ITGBL1: variants seen among roughly 807,000 people sequenced by gnomAD.
The protein encoded by ITGBL1 is integrin subunit beta like 1.
A neutral mutation model predicts 68.5 loss-of-function variants in ITGBL1; 51 were observed. That is an observed-to-expected ratio of 0.74 (90% CI 0.59 to 0.94). ITGBL1 has a LOEUF of 0.94. Among genes scored for constraint, ITGBL1 ranks in the 40% least tolerant of loss-of-function variants. The probability of loss-of-function intolerance (pLI) is 0.00; values close to 1 mark genes in which losing one functional copy is unlikely to be tolerated. For synonymous variants in ITGBL1, 209 were observed against 227.3 expected (o/e 0.92, Z 0.72); for missense variants, 649 against 647.4 (o/e 1.00, Z -0.03).
chr13:101,473,982 A>T (rs1482996954), intron 2 of ITGBL1, among the ~76,000 whole-genome samples: 1 of 152,214 alleles, frequency 6.6e-6, no homozygotes, highest in African/African-American at 2.4e-5. Context: ...ACCCAGGGCC[A>T]TGCTAGATTC....
chr13:101,705,478 T>C (rs1041047527), intron 8 of ITGBL1, among the ~76,000 whole-genome samples: 2 of 152,018 alleles, frequency 1.3e-5, no homozygotes, highest in African/African-American at 4.8e-5. Flanking sequence ...TTCACTGTAT[T>C]TCTCATGCCA....
rs540988175 is a variant in ITGBL1 at position 101,464,252 on chromosome 13, C to G, written c.316+10152C>G. ...TGTACTTCAGCCTCTCTTCTTTATC[C>G]TGTTTGATCCCCTCCTTCTCATCAC... is the stretch of plus-strand genomic sequence containing the variant. On this transcript the variant is annotated intron_variant, in intron 2 of 10. Transcript: ENST00000376180. Among the ~76,000 whole-genome samples the G allele has an allele frequency of 9.2e-5, 14 of 152,260 alleles. No individual in the cohort carries two copies. In the South Asian group the frequency reaches 2.9e-3, roughly 32 times the overall value.
chr13:101,580,737 T>C (rs1454575526), intron 5 of ITGBL1, among the ~76,000 whole-genome samples: 1 of 152,178 alleles, frequency 6.6e-6, no homozygotes, highest in African/African-American at 2.4e-5. Flanking sequence ...GGAAAATGAC[T>C]ATTTGGCTGT....
At chr13:101,653,403 G>A (rs2032815540) in intron 7 of ITGBL1, among the ~76,000 whole-genome samples, 1 of 152,270 alleles carries the variant, frequency 6.6e-6, no homozygotes, top group African/African-American at 2.4e-5. Flanking sequence ...AGGAAGAAAA[G>A]TGGAATTCTG....
At chr13:101,608,037 G>T (rs749435922) in intron 7 of ITGBL1, among the ~76,000 whole-genome samples, 3 of 151,994 alleles carry the variant, frequency 2.0e-5, no homozygotes, top group Non-Finnish European at 4.4e-5. Flanking sequence ...ATATGTTTTA[G>T]TTCCTTAAAC....
rs774805942 is a variant in ITGBL1 at position 101,714,422 on chromosome 13, G to C, written c.1280-16G>C. On this transcript the variant is annotated splice_polypyrimidine_tract_variant and intron_variant, in intron 9 of 10. Transcript: ENST00000376180. ...AGTTATAAGGTGATGGTGAGTAATAGCCTTTGTAATTTCAGGTTCTTGTCA... is the reference window on the plus strand; with the variant it reads ...AGTTATAAGGTGATGGTGAGTAATACCCTTTGTAATTTCAGGTTCTTGTCA... 9.2e-6 allele frequency: 13 copies of C among 1,420,750 alleles called. 1 individual carries two copies. In the South Asian group the frequency reaches 1.5e-4, roughly 16 times the overall value. The allele number at this position is 1,420,750 out of a possible 1,614,324, so 88.0% of individuals were successfully genotyped here.
intron 2 of ITGBL1, among the ~76,000 whole-genome samples, chr13:101,544,701 C>G (rs1177461959): frequency 2.0e-5 from 3 of 152,160 alleles, no homozygotes; most frequent in Non-Finnish European, 4.4e-5. Flanking sequence ...GTGGGCTCCA[C>G]CCAGTTCAAG....
At chr13:101,556,930 AGGAAACTAATATGAT>A (rs1003959669) in intron 2 of ITGBL1, among the ~76,000 whole-genome samples, 4 of 152,200 alleles carry the variant, frequency 2.6e-5, no homozygotes, top group African/African-American at 9.6e-5. Context: ...GGCAGTTCTT[AGGAAACTAATATGAT>A]GGATTAAATA....
intron 7 of ITGBL1, among the ~76,000 whole-genome samples, chr13:101,679,546 A>G (rs1044533938): frequency 6.6e-6 from 1 of 152,226 alleles, no homozygotes; most frequent in Non-Finnish European, 1.5e-5. Context: ...GGTGGACTAC[A>G]CTGGTTAAGA....
At chr13:101,664,686 T>C (rs746588390) in intron 7 of ITGBL1, among the ~76,000 whole-genome samples, 1 of 152,134 alleles carries the variant, frequency 6.6e-6, no homozygotes, top group Non-Finnish European at 1.5e-5. Context: ...TTCTATTCTG[T>C]TTCATTTGCC....
rs145085442 is a variant in ITGBL1, at chr13:101,568,354, TA to T, written c.463+510del. 6.2e-3 allele frequency among the ~76,000 whole-genome samples: 941 copies of T among 152,292 alleles called. 12 individuals are homozygous for T. Among genetic ancestry groups the T allele is most frequent in the African/African-American group, 0.021 (880 of 41,568 alleles). ...TTATTTCATAGAAGTTATTTGAAAA[TA>T]TTTTTTACAAAATTGTAGCAATGCT... is the stretch of plus-strand genomic sequence containing the variant. On this transcript the variant is annotated intron_variant, in intron 3 of 10. Coordinates refer to ENST00000376180, the MANE Select transcript of ITGBL1 (RefSeq NM_004791.3).
At chr13:101,491,635 T>C (rs906452093) in intron 2 of ITGBL1, among the ~76,000 whole-genome samples, 10 of 152,220 alleles carry the variant, frequency 6.6e-5, no homozygotes, top group Admixed American at 5.2e-4. Flanking sequence ...TTATTTTTTT[T>C]TAAATTATAC....
In ITGBL1 at chr13:101,508,053, C is replaced by T. The variant is rs187729446; in HGVS notation, c.316+53953C>T. The stretch of plus-strand genomic sequence containing the variant: ...AAGTCAACTCTGATGAGACGAGAGA[C>T]TTTATCTGCTCACTGACTCACAGCT... On this transcript the variant is annotated intron_variant, in intron 2 of 10. Transcript: ENST00000376180. 2.2e-3 allele frequency among the ~76,000 whole-genome samples: 334 copies of T among 152,264 alleles called. 1 individual carries two copies. The highest frequency in any genetic ancestry group is 3.4e-3 in the Non-Finnish European group (230 of 68,010).
intron 2 of ITGBL1, among the ~76,000 whole-genome samples, chr13:101,468,453 G>C (rs2048413244): frequency 6.6e-6 from 1 of 152,120 alleles, no homozygotes; most frequent in Non-Finnish European, 1.5e-5. Context: ...ACTTTTAAGA[G>C]ATAGTCAAAA....
At chr13:101,600,444 G>T (rs186013321) in intron 7 of ITGBL1, among the ~76,000 whole-genome samples, 1 of 152,140 alleles carries the variant, frequency 6.6e-6, no homozygotes, top group Non-Finnish European at 1.5e-5. Flanking sequence ...TCTCCTGCCT[G>T]ATTGCCCTGG....
At chr13:101,640,035 A>C (rs1204574514) in intron 7 of ITGBL1, among the ~76,000 whole-genome samples, 2 of 152,180 alleles carry the variant, frequency 1.3e-5, no homozygotes, top group African/African-American at 4.8e-5. Context: ...ATTCTTGACA[A>C]CTTATAATCT....
At chr13:101,631,489 A>G (rs2031976596) in intron 7 of ITGBL1, among the ~76,000 whole-genome samples, 2 of 152,144 alleles carry the variant, frequency 1.3e-5, no homozygotes, top group African/African-American at 2.4e-5. Context: ...ACATTTTCAG[A>G]TACCCACACA....
At chr13:101,581,143 G>C (rs1022241526) in intron 5 of ITGBL1, among the ~76,000 whole-genome samples, 1 of 152,016 alleles carries the variant, frequency 6.6e-6, no homozygotes, top group African/African-American at 2.4e-5. Flanking sequence ...ATCTTCAGGG[G>C]CCAAAAAACC....
intron 6 of ITGBL1, among the ~76,000 whole-genome samples, chr13:101,585,737 C>G (rs2050544727): frequency 6.6e-6 from 1 of 152,018 alleles, no homozygotes; most frequent in Non-Finnish European, 1.5e-5. Flanking sequence ...GCGGCAATGT[C>G]ATTTTAAGAT....
Sources: gnomAD v4.1 joint callset for allele counts (sites outside exome capture counted in the v4.1 genomes callset) on GRCh38, gnomAD v4.1.1 for gene constraint, MANE v1.5 for transcripts, NCBI Gene and HGNC (gene_info 2026-07-23, HGNC 2026-07-21) for gene names.